Variants in DNAJC13 observed in about 807,000 individuals in gnomAD.
The protein encoded by DNAJC13 is DnaJ heat shock protein family (Hsp40) member C13.
DNAJC13 carries 75 observed loss-of-function variants against 290.5 expected under a neutral mutation model. The observed-to-expected ratio is 0.26, with a 90% CI of 0.21 to 0.31. DNAJC13 has a LOEUF of 0.31. Ranked by LOEUF, DNAJC13 falls within the 10% of genes least tolerant of loss-of-function variation. The pLI, the probability that DNAJC13 is intolerant of heterozygous loss-of-function variation, is 1.00. For missense variants in DNAJC13, 2,260 were observed against 2,674.5 expected (o/e 0.85, Z 3.42); for synonymous variants, 862 against 892.0 (o/e 0.97, Z 0.60).
At chr3:132,530,736 T>G (rs1369520955) in intron 54 of DNAJC13, among the ~76,000 whole-genome samples, 1 of 152,226 alleles carries the variant, frequency 6.6e-6, no homozygotes, top group African/African-American at 2.4e-5. Flanking sequence ...GAATTACATA[T>G]AAGTCGGTAA....
chr3:132,477,714 T>C, intron 22 of DNAJC13, 75 bp from the exon 23 acceptor site: 1 of 1,025,470 alleles, frequency 9.8e-7, no homozygotes, highest in Non-Finnish European at 1.5e-6. Flanking sequence ...CAGAAAGAAC[T>C]ATAAGAAACA....
rs1156971257 is a variant in DNAJC13, at chr3:132,460,481, T to C, written c.1557+124T>C. On this transcript the variant is annotated intron_variant, in intron 14 of 55. Coordinates refer to ENST00000260818, the MANE Select transcript of DNAJC13 (RefSeq NM_015268.4). Reference sequence around the variant, plus strand: ...AGCCCCCAGCTTTGGTCAGTATTGGTCACAGTTCAGCTTGGTCACTGATAA... The same window carrying C: ...AGCCCCCAGCTTTGGTCAGTATTGGCCACAGTTCAGCTTGGTCACTGATAA... 4.8e-6 allele frequency: 3 copies of C among 625,266 alleles called. No individual in the cohort carries two copies. In the Admixed American group the frequency reaches 8.9e-5, roughly 19 times the overall value. The allele number at this position is 625,266 out of a possible 1,614,324, so 38.7% of individuals were successfully genotyped here.
rs186560753 is a variant in DNAJC13, at chr3:132,504,448, C to T, written c.4885-854C>T. On this transcript the variant is annotated intron_variant, in intron 41 of 55. Coordinates refer to ENST00000260818, the MANE Select transcript of DNAJC13 (RefSeq NM_015268.4). ...TGTGATACATTTTGCTGACTGAAAG[C>T]ATTCTCTTCAGAAATGCCAACAAGT... Among the ~76,000 whole-genome samples, 9 of 152,094 alleles carry T rather than the reference C, an allele frequency of 5.9e-5. No individual in the cohort carries two copies. In the South Asian group the frequency reaches 1.7e-3, roughly 28 times the overall value.
chr3:132,480,188 G>T (rs1378683576), intron 25 of DNAJC13, among the ~76,000 whole-genome samples, 181 bp from the exon 26 acceptor site: 2 of 152,034 alleles, frequency 1.3e-5, no homozygotes, highest in South Asian at 2.1e-4. Context: ...CAGGTTCCTT[G>T]AACACAAAAT....
At position 132,499,737 on chromosome 3, in the gene DNAJC13, T is replaced by A; in HGVS notation, c.4345T>A (p.Leu1449Ile). Residue 1449 changes from leucine (L) to isoleucine (I), a missense_variant, in exon 38 of 56, where the codon TTA (leucine) becomes ATA (isoleucine). This residue lies in a region of DNAJC13 where 1,494 missense variants were observed against 1,693.7 expected (regional missense o/e 0.88). Coordinates refer to ENST00000260818, the MANE Select transcript of DNAJC13 (RefSeq NM_015268.4). ...TAGCTGACTTCTTCCTCTGCAGGTG[T>A]TACAAGAGGCATTTAGTCGCTGTGT... is the stretch of plus-strand genomic sequence containing the variant. ...ELRRENGLEV[L>I]QEAFSRCVAV... 1 of 1,614,116 alleles carries A rather than the reference T, an allele frequency of 6.2e-7. No individual in the cohort carries two copies. Among genetic ancestry groups the A allele is most frequent in the Non-Finnish European group, 8.5e-7 (1 of 1,179,970 alleles).
chr3:132,509,158 G>A (rs1935695540), intron 43 of DNAJC13, among the ~76,000 whole-genome samples: 1 of 152,200 alleles, frequency 6.6e-6, no homozygotes, highest in Admixed American at 6.5e-5. Flanking sequence ...TTCTGGAAAG[G>A]ATTCACCTTT....
At chr3:132,484,717 C>T (rs574351202) in intron 29 of DNAJC13, 45 bp downstream of exon 29, 50 of 1,529,306 alleles carry the variant, frequency 3.3e-5, no homozygotes, top group Middle Eastern at 1.7e-4. Context: ...GAATCATTTT[C>T]TCTGAATTTT....
intron 2 of DNAJC13, among the ~76,000 whole-genome samples, chr3:132,437,767 AG>A (rs1472732549): frequency 2.0e-5 from 3 of 152,112 alleles, no homozygotes; most frequent in African/African-American, 7.2e-5. Context: ...TTTATTTTTC[AG>A]TATTATTTTG....
chr3:132,438,122 G>T (rs563341954), intron 2 of DNAJC13, among the ~76,000 whole-genome samples: 30 of 151,356 alleles, frequency 2.0e-4, no homozygotes, highest in African/African-American at 7.0e-4. Context: ...CATTAGTGGA[G>T]TATTGCCATC....
Position 132,526,243 on chromosome 3 carries a change from C to T in DNAJC13, c.6343C>T (p.Arg2115Ter). The T allele has an allele frequency of 6.2e-7, 1 of 1,613,914 alleles. No homozygotes were observed. The highest frequency in any genetic ancestry group is 8.5e-7 in the Non-Finnish European group (1 of 1,179,948). The part of the protein sequence containing the change: ...TVGLACEAIN[R>*]MFQKEQSELV... ...TGGTCTAGCCTGTGAAGCAATTAAT[C>T]GAATGTTTCAGAAGGAGCAGAGTGA... The change falls in exon 53 of 56, where the codon CGA becomes TGA. Residue 2115 changes from arginine to a stop codon, truncating the protein, a stop_gained. Coordinates refer to ENST00000260818, the MANE Select transcript of DNAJC13 (RefSeq NM_015268.4). LOFTEE classifies it high-confidence loss of function.
At chr3:132,481,048 C>T (rs1458654775) in intron 26 of DNAJC13, among the ~76,000 whole-genome samples, 1 of 152,152 alleles carries the variant, frequency 6.6e-6, no homozygotes, top group African/African-American at 2.4e-5. Flanking sequence ...AATACATTAA[C>T]TTTTTGAATC....
chr3:132,439,738 C>T (rs557862788), intron 2 of DNAJC13, among the ~76,000 whole-genome samples: 104 of 152,252 alleles, frequency 6.8e-4, no homozygotes, highest in African/African-American at 2.4e-3. Context: ...CCTTTTATTT[C>T]TTCTAAAGCT....
intron 29 of DNAJC13, among the ~76,000 whole-genome samples, chr3:132,486,406 T>C (rs1261254641): frequency 4.1e-4 from 63 of 152,066 alleles, no homozygotes; most frequent in Non-Finnish European, 1.9e-4. Flanking sequence ...TAAATACAAA[T>C]GGCATTAAAT....
rs1935246391 is a variant in DNAJC13, at chr3:132,496,799, TTTAAA to T, written c.4156+138_4156+142del. 4.5e-6 allele frequency: 4 copies of T among 889,118 alleles called. No individual in the cohort carries two copies. The African/African-American group carries it at 7.0e-5, about 16-fold the overall frequency. The allele number at this position is 889,118 out of a possible 1,614,324, so 55.1% of individuals were successfully genotyped here. On this transcript the variant is annotated intron_variant, in intron 36 of 55. Transcript: ENST00000260818. ...GTTTAAAAGATTCTTGGAATTATGT[TTTAAA>T]TAAAGGAAAATGTAGTTTTCTAAAG... is the stretch of plus-strand genomic sequence containing the variant.
At chr3:132,492,322 A>T in intron 32 of DNAJC13, 92 bp from the exon 33 acceptor site, 1 of 1,270,230 alleles carries the variant, frequency 7.9e-7, no homozygotes, top group South Asian at 1.3e-5. Flanking sequence ...TCTATAGATG[A>T]TTCATGTAAC....
rs536179169 is a variant in DNAJC13 at position 132,523,831 on chromosome 3, T to G, written c.6060+118T>G. On this transcript the variant is annotated intron_variant, in intron 51 of 55. Transcript: ENST00000260818. ...TAGGAATTGGCCAGCTCTTTCAATATAGCAGCCACATTTAAATTCACATAT... is the reference window on the plus strand; with the variant it reads ...TAGGAATTGGCCAGCTCTTTCAATAGAGCAGCCACATTTAAATTCACATAT... The G allele has an allele frequency of 2.2e-5, 22 of 987,716 alleles. No homozygotes were observed. The African/African-American group carries it at 3.5e-4, about 16-fold the overall frequency. 61.2% of individuals were successfully genotyped at this position (987,716 alleles called of 1,614,324 possible).
chr3:132,449,944 G>A (rs1933369519), intron 5 of DNAJC13, among the ~76,000 whole-genome samples: 1 of 152,064 alleles, frequency 6.6e-6, no homozygotes, highest in South Asian at 2.1e-4. Context: ...TTGCTTAGCA[G>A]CCTTGATTAA....
chr3:132,513,747 C>T (rs943583641), intron 45 of DNAJC13, among the ~76,000 whole-genome samples: 2 of 152,130 alleles, frequency 1.3e-5, no homozygotes, highest in Non-Finnish European at 2.9e-5. Flanking sequence ...GTAGCCTTTT[C>T]TTCTGAGAGA....
chr3:132,502,207 A>G, intron 39 of DNAJC13, 82 bp from the exon 40 acceptor site: 4 of 1,286,826 alleles, frequency 3.1e-6, no homozygotes, highest in Admixed American at 2.5e-5. Flanking sequence ...CTTGACATAC[A>G]TGCACAACCA....
Sources: gnomAD v4.1 joint callset for allele counts (sites outside exome capture counted in the v4.1 genomes callset) on GRCh38, gnomAD v4.1.1 for gene constraint, gnomAD v4.1.1 regional missense constraint, MANE v1.5 for transcripts, NCBI Gene and HGNC (gene_info 2026-07-23, HGNC 2026-07-21) for gene names.